The following TTI2 variants were observed in gnomAD, a reference collection of about 807,000 sequenced individuals.
TTI2 encodes the protein TELO2-interacting protein 2.
TTI2 carries 26 observed loss-of-function variants against 44.9 expected under a neutral mutation model. The observed-to-expected ratio is 0.58, with a 90% CI of 0.42 to 0.80. The LOEUF (loss-of-function observed/expected upper bound fraction) is 0.80. Ranked by LOEUF, TTI2 falls within the 30% of genes least tolerant of loss-of-function variation. The pLI is 0.00. For synonymous variants in TTI2, 254 were observed against 250.9 expected, an observed-to-expected ratio of 1.01 and a Z score of -0.12; for missense variants, 582 against 611.6, an observed-to-expected ratio of 0.95 and a Z score of 0.51.
chr8:33,506,944 C>T (rs1391004069), intron 4 of TTI2, among the ~76,000 whole-genome samples: 1 of 152,114 alleles, frequency 6.6e-6, no homozygotes. Flanking sequence ...ATCTGCCTCC[C>T]TCAGCCTCCC....
In TTI2 at chr8:33,512,551, C is replaced by G; in HGVS notation, c.63G>C (p.Leu21Phe). The change falls in exon 2 of 8, where the codon TTG (leucine) becomes TTC (phenylalanine). Residue 21 changes from leucine to phenylalanine, a missense_variant. Physicochemically the swap from Leu to Phe is conservative, Grantham distance 22. Transcript: ENST00000431156. The stretch of plus-strand genomic sequence containing the variant: ...AGGCCTGTCCAAAGGCGGAGTGAGA[C>G]AACTCCTCGGACAAATTAGAGTCTT... The part of the protein sequence containing the change: ...SQEDSNLSEE[L>F]SHSAFGQAFS... The G allele has an allele frequency of 6.2e-7, 1 of 1,614,084 alleles. No homozygotes were observed. Among genetic ancestry groups the G allele is most frequent in the Non-Finnish European group, 8.5e-7 (1 of 1,180,042 alleles).
chr8:33,499,670 T>A (rs1034122771), intron 7 of TTI2: 1 of 181,954 alleles, frequency 5.5e-6, no homozygotes, highest in African/African-American at 2.4e-5. Context: ...GGATATGAAT[T>A]TTTTTTTCCT....
chr8:33,499,401 G>T (rs1808979962), intron 7 of TTI2, 124 bp from the exon 8 acceptor site: 4 of 727,506 alleles, frequency 5.5e-6, no homozygotes, highest in South Asian at 1.6e-5. Context: ...CTTAGGGACA[G>T]GTCACTAAGC....
rs867283930 is a variant in TTI2, at chr8:33,512,167, G to A, written c.447C>T (p.Pro149=). ...TGTGTGTGATGGCAAAAATATAAAC[G>A]GGTCCTGCCAAGTGATGCAGGCCCG... The part of the protein sequence containing the change: ...WQTGLHHLAG[P]VYIFAITHSL... The change falls in exon 2 of 8, where the codon CCC becomes CCT. Residue 149 remains proline (P), a synonymous_variant. Transcript: ENST00000431156. 1.2e-6 allele frequency: 2 copies of A among 1,614,014 alleles called. No individual in the cohort carries two copies. The highest frequency in any genetic ancestry group is 8.5e-7 in the Non-Finnish European group (1 of 1,180,016).
intron 4 of TTI2, among the ~76,000 whole-genome samples, chr8:33,506,147 T>G (rs1444581653): frequency 6.6e-6 from 1 of 152,200 alleles, no homozygotes; most frequent in Non-Finnish European, 1.5e-5. Flanking sequence ...TATATATATG[T>G]AGACATCTAA....
chr8:33,502,176 T>C (rs1255698560), intron 6 of TTI2, among the ~76,000 whole-genome samples: 1 of 152,050 alleles, frequency 6.6e-6, no homozygotes, highest in Non-Finnish European at 1.5e-5. Flanking sequence ...ACTCCTGACC[T>C]TAGGTGATCC....
intron 7 of TTI2, 125 bp downstream of exon 7, chr8:33,500,203 G>C: frequency 9.2e-7 from 1 of 1,088,024 alleles, no homozygotes; most frequent in South Asian, 1.4e-5. Flanking sequence ...CTCATATGGA[G>C]ATCTAAAACC....
At position 33,505,496 on chromosome 8, in the gene TTI2, C is replaced by CT. The variant is rs544115559; in HGVS notation, c.928-1562dup. Among the ~76,000 whole-genome samples the CT allele has an allele frequency of 3.4e-3, 428 of 125,948 alleles. 2 individuals are homozygous for CT. The highest frequency in any genetic ancestry group is 4.9e-3 in the Non-Finnish European group (285 of 57,814). 82.6% of individuals were successfully genotyped at this position (125,948 alleles called of 152,430 possible). On this transcript the variant is annotated intron_variant, in intron 4 of 7. Coordinates refer to ENST00000431156, the MANE Select transcript of TTI2 (RefSeq NM_001102401.4). The stretch of plus-strand genomic sequence containing the variant: ...GAAAGCCACTGCACCTTTTTTTTTT[C>CT]TTTTTTTTTTGAGATGTAGTTTCAC...
chr8:33,512,106 CCCGA>C lies in TTI2; in HGVS notation c.504_507del (p.Arg169LysfsTer36), dbSNP rs1346720669. On this transcript the variant is annotated frameshift_variant, in exon 2 of 8. Transcript: ENST00000431156. LOFTEE classifies it high-confidence loss of function. The stretch of plus-strand genomic sequence containing the variant: ...GAGGTGAGCACCTCCCTAGCAACTT[CCCGA>C]GATCTCGGAGTGGTCCATGGTTGCT... The C allele has an allele frequency of 6.2e-7, 1 of 1,613,986 alleles. No homozygotes were observed. The highest frequency in any genetic ancestry group is 1.3e-5 in the African/African-American group (1 of 74,900).
Position 33,512,630 on chromosome 8 carries a change from A to G in TTI2, c.-17T>C, listed in dbSNP as rs1160479419. Reference sequence around the variant, plus strand: ...AAGCTCCATTCCTGACTGCAGCACCAGAAGGCTGGTCTCTCCCACAGAACG... The same window carrying G: ...AAGCTCCATTCCTGACTGCAGCACCGGAAGGCTGGTCTCTCCCACAGAACG... On this transcript the variant is annotated 5_prime_UTR_variant, in exon 2 of 8. Transcript: ENST00000431156. The G allele has an allele frequency of 1.2e-6, 2 of 1,611,218 alleles. No homozygotes were observed. Among genetic ancestry groups the G allele is most frequent in the Non-Finnish European group, 1.7e-6 (2 of 1,179,980 alleles).
Position 33,512,307 on chromosome 8 carries a change from C to T in TTI2, c.307G>A (p.Gly103Ser), listed in dbSNP as rs1266537534. Residue 103 changes from glycine to serine, a missense_variant, in exon 2 of 8, where the codon GGT becomes AGT. Coordinates refer to ENST00000431156, the MANE Select transcript of TTI2 (RefSeq NM_001102401.4). ...AAPSKEEEGG[G>S]DGHSEAAEKA... is the part of the protein sequence containing the mutation. ...TCGGCCGCTTCGGAGTGCCCATCAC[C>T]TCCACCTTCCTCCTCCTTGGAGGGG... 9.9e-6 allele frequency: 16 copies of T among 1,614,078 alleles called. No individual in the cohort carries two copies. Among genetic ancestry groups the T allele is most frequent in the Non-Finnish European group, 1.4e-5 (16 of 1,180,032 alleles).
At chr8:33,508,135 A>C (rs1304316709) in intron 3 of TTI2, among the ~76,000 whole-genome samples, 1 of 142,880 alleles carries the variant, frequency 7.0e-6, no homozygotes, top group African/African-American at 2.6e-5. Context: ...AAAATTTATC[A>C]TTCTTAGTCT....
Position 33,512,715 on chromosome 8 carries a change from A to G in TTI2, c.-99-3T>C. ...AAGGAGCGATCACCCAAAGAGAACT[A>G]AAATCAAATAAAATAAAACAGAGAG... On this transcript the variant is annotated splice_polypyrimidine_tract_variant and splice_region_variant and intron_variant, in intron 1 of 7. Transcript: ENST00000431156. 7.7e-7 allele frequency: 1 copy of G among 1,294,612 alleles called. No individual in the cohort carries two copies. Among genetic ancestry groups the G allele is most frequent in the Non-Finnish European group, 1.1e-6 (1 of 936,518 alleles). The allele number at this position is 1,294,612 out of a possible 1,614,324, so 80.2% of individuals were successfully genotyped here.
rs58891946 is a variant in TTI2, at chr8:33,508,087, T to TAAAAAAAAAAA, written c.835-777_835-767dup. 1.6e-3 allele frequency among the ~76,000 whole-genome samples: 31 copies of TAAAAAAAAAAA among 19,510 alleles called. 6 individuals carry two copies. Among genetic ancestry groups the TAAAAAAAAAAA allele is most frequent in the Non-Finnish European group, 2.1e-3 (24 of 11,384 alleles). 12.8% of individuals were successfully genotyped at this position (19,510 alleles called of 152,430 possible). ...ACAAAGAAAATGTGGCTAGCGGTAG[T>TAAAAAAAAAAA]AAAAAAAAAAAAAAAAAAAAAAAAA... On this transcript the variant is annotated intron_variant, in intron 3 of 7. Transcript: ENST00000431156.
At chr8:33,510,306 A>AC (rs1007185708) in intron 2 of TTI2, among the ~76,000 whole-genome samples, 4 of 152,216 alleles carry the variant, frequency 2.6e-5, no homozygotes, top group African/African-American at 9.6e-5. Flanking sequence ...ACACTTGAAC[A>AC]CCTGTTAATC....
At position 33,499,194 on chromosome 8, in the gene TTI2, G is replaced by A. The variant is rs200273292; in HGVS notation, c.1506C>T (p.Gly502=). ...AGTCTTAAGTTCCATTGTAGGGTGC[G>A]CCTTCAGAAACCTGCTGCACTTTTC... The part of the protein sequence containing the change: ...YIRKVQQVSE[G]APYNGT The change falls in exon 8 of 8, where the codon GGC becomes GGT. Residue 502 remains glycine, a synonymous_variant. Coordinates refer to ENST00000431156, the MANE Select transcript of TTI2 (RefSeq NM_001102401.4). 6.3e-5 allele frequency: 102 copies of A among 1,613,724 alleles called. No individual in the cohort carries two copies. Among genetic ancestry groups the A allele is most frequent in the South Asian group, 3.1e-4 (28 of 91,078 alleles).
intron 6 of TTI2, among the ~76,000 whole-genome samples, chr8:33,503,009 A>G (rs142086232): frequency 0.012 from 1,833 of 151,126 alleles, 44 homozygotes; most frequent in African/African-American, 0.042. Flanking sequence ...GGCGCCTGTA[A>G]TCCCAGCTAC....
intron 4 of TTI2, among the ~76,000 whole-genome samples, chr8:33,504,288 C>CTTTTTTTTTT (rs1563352474): frequency 1.8e-5 from 1 of 55,782 alleles, no homozygotes; most frequent in Non-Finnish European, 3.8e-5. Context: ...GATATTTACA[C>CTTTTTTTTTT]ATTTTTTTTT....
intron 3 of TTI2, among the ~76,000 whole-genome samples, chr8:33,509,132 CAAAAAAAAAAAAAAA>C (rs751009227): frequency 3.1e-5 from 3 of 97,104 alleles, no homozygotes; most frequent in Non-Finnish European, 5.9e-5. Context: ...GATAATGTCT[CAAAAAAAAAAAAAAA>C]AAAAGAAAGA....
Sources: gnomAD v4.1 joint callset for allele counts (sites outside exome capture counted in the v4.1 genomes callset) on GRCh38, gnomAD v4.1.1 for gene constraint, MANE v1.5 for transcripts, NCBI Gene and HGNC (gene_info 2026-07-23, HGNC 2026-07-21) for gene names.